The following OR2L13 variants were observed in gnomAD, a reference collection of about 807,000 sequenced individuals.
The protein encoded by OR2L13 is olfactory receptor 2L13.
Under a neutral mutation model 15.3 loss-of-function variants are expected in OR2L13, and 14 were observed. The observed-to-expected ratio is 0.91, with a 90% CI of 0.60 to 1.43. The LOEUF is 1.43. OR2L13 is among the 40% of genes most tolerant of loss of function. The probability of loss-of-function intolerance (pLI) is 0.00; values close to 1 mark genes in which losing one functional copy is unlikely to be tolerated. For missense variants in OR2L13, 367 were observed against 387.9 expected (o/e 0.95, Z 0.45); for synonymous variants, 152 against 142.9 (o/e 1.06, Z -0.45).
At chr1:247,975,650 T>C in the OR2L13 span, 52 of 1,139,592 alleles carry the variant, frequency 4.6e-5, no homozygotes, top group South Asian at 6.4e-4. Context: ...ATCTTCCCTG[T>C]GAAGATGAAG....
At chr1:248,068,441 T>A in the OR2L13 span, among the ~76,000 whole-genome samples, 4 of 152,172 alleles carry the variant, frequency 2.6e-5, no homozygotes, top group African/African-American at 7.2e-5. Flanking sequence ...GAGGGTCCTG[T>A]CTGTTAGAAG....
chr1:248,065,548 AG>A, the OR2L13 span, among the ~76,000 whole-genome samples: 3 of 150,784 alleles, frequency 2.0e-5, no homozygotes, highest in Non-Finnish European at 3.0e-5. Flanking sequence ...CTCGTCATCT[AG>A]CATTAGGTAT....
At chr1:248,099,727 G>A in exon 3 of OR2L13, 1 of 1,614,008 alleles carries the variant, frequency 6.2e-7, no homozygotes, top group South Asian at 1.1e-5. Flanking sequence ...GACCTCCATG[G>A]CCTACGACCG....
the OR2L13 span, among the ~76,000 whole-genome samples, chr1:248,033,224 G>A: frequency 4.9e-4 from 74 of 152,042 alleles, 1 homozygote; most frequent in South Asian, 8.3e-4. Context: ...CTTACACTTA[G>A]GTCTTTGATT....
the OR2L13 span, chr1:248,061,489 G>A: frequency 3.1e-6 from 5 of 1,613,898 alleles, no homozygotes; most frequent in African/African-American, 6.7e-5. Flanking sequence ...TCCAACAGAG[G>A]ACAAGGTTCT....
the OR2L13 span, among the ~76,000 whole-genome samples, chr1:247,987,272 T>C: frequency 6.6e-6 from 1 of 152,230 alleles, no homozygotes; most frequent in Non-Finnish European, 1.5e-5. Context: ...TTTTAGTGTG[T>C]AAAATCCTAT....
chr1:247,994,134 A>C, the OR2L13 span, among the ~76,000 whole-genome samples: 7 of 152,240 alleles, frequency 4.6e-5, no homozygotes, highest in South Asian at 2.1e-4. Flanking sequence ...CGGTAGCTCA[A>C]GCCTGTAATC....
At chr1:247,943,539 C>T in the OR2L13 span, among the ~76,000 whole-genome samples, 1 of 152,002 alleles carries the variant, frequency 6.6e-6, no homozygotes, top group South Asian at 2.1e-4. Flanking sequence ...CATATGGTTC[C>T]AGATTTACAA....
chr1:247,972,562 C>T, the OR2L13 span, among the ~76,000 whole-genome samples: 2 of 152,016 alleles, frequency 1.3e-5, no homozygotes, highest in African/African-American at 4.8e-5. Flanking sequence ...AAGACTAAAC[C>T]AGGAAGAAGT....
At chr1:247,977,202 C>T in the OR2L13 span, among the ~76,000 whole-genome samples, 1 of 152,142 alleles carries the variant, frequency 6.6e-6, no homozygotes, top group South Asian at 2.1e-4. Context: ...TCAAATTATT[C>T]ATACCTCAAA....
chr1:248,090,250 A>G (rs77602187), upstream of OR2L13, among the ~76,000 whole-genome samples: 14,812 of 152,168 alleles, frequency 0.097, 797 homozygotes, highest in East Asian at 0.16. Flanking sequence ...CAGGGTATGT[A>G]AATGTGTTTG....
At chr1:248,019,812 G>A in the OR2L13 span, among the ~76,000 whole-genome samples, 2 of 151,054 alleles carry the variant, frequency 1.3e-5, no homozygotes, top group South Asian at 2.1e-4. Flanking sequence ...TTTGAGACAC[G>A]GTCTCACTCT....
the OR2L13 span, among the ~76,000 whole-genome samples, chr1:247,981,331 A>T: frequency 6.6e-6 from 1 of 152,230 alleles, no homozygotes; most frequent in Non-Finnish European, 1.5e-5. Flanking sequence ...TAAAGGCAAA[A>T]TGAGAATGGT....
chr1:247,965,809 G>A, the OR2L13 span: 2 of 1,609,258 alleles, frequency 1.2e-6, no homozygotes, highest in South Asian at 1.1e-5. Context: ...CTGCCTCATG[G>A]TTGCATGTGC....
At chr1:247,965,739 T>A in the OR2L13 span, 1 of 1,563,588 alleles carries the variant, frequency 6.4e-7, no homozygotes, top group East Asian at 2.3e-5. Context: ...TGTCTTATGA[T>A]CGCTATGTAG....
chr1:248,020,728 T>A, the OR2L13 span, among the ~76,000 whole-genome samples: 1 of 152,112 alleles, frequency 6.6e-6, no homozygotes, highest in African/African-American at 2.4e-5. Context: ...AATAATGATG[T>A]CTGACTTAGA....
At chr1:247,967,843 TTCCTCCTTCTCCTCC>T in the OR2L13 span, among the ~76,000 whole-genome samples, 1,053 of 150,788 alleles carry the variant, frequency 7.0e-3, 10 homozygotes, top group African/African-American at 0.023. Context: ...TCTCCTCCTC[TTCCTCCTTCTCCTCC>T]TCCTCCTTCT....
At chr1:247,978,975 T>G in the OR2L13 span, among the ~76,000 whole-genome samples, 1 of 152,122 alleles carries the variant, frequency 6.6e-6, no homozygotes, top group African/African-American at 2.4e-5. Flanking sequence ...GTCCCCCACA[T>G]GTGTTTACAG....
At chr1:248,009,878 A>C in the OR2L13 span, among the ~76,000 whole-genome samples, 1 of 152,188 alleles carries the variant, frequency 6.6e-6, no homozygotes, top group African/African-American at 2.4e-5. Context: ...AAATCAATAA[A>C]TGTAATGCAT....
Sources: gnomAD v4.1 joint callset for allele counts (sites outside exome capture counted in the v4.1 genomes callset) on GRCh38, gnomAD v4.1.1 for gene constraint, MANE v1.5 for transcripts, NCBI Gene and HGNC (gene_info 2026-07-23, HGNC 2026-07-21) for gene names.